Variants in RAB38 observed in about 807,000 individuals in gnomAD.
RAB38 encodes ras-related protein Rab-38.
A neutral mutation model predicts 18.4 loss-of-function variants in RAB38; 15 were observed. The observed-to-expected ratio is 0.82, with a 90% CI of 0.55 to 1.26. RAB38 has a LOEUF of 1.26. Ranked by LOEUF, RAB38 falls within the 50% of genes most tolerant of loss-of-function variation. The pLI is 0.00. For missense variants in RAB38, 294 were observed against 267.4 expected (o/e 1.10, Z -0.69); for synonymous variants, 101 against 104.4 (o/e 0.97, Z 0.20).
At chr11:88,064,336 A>G in the RAB38 span, among the ~76,000 whole-genome samples, 175 of 152,338 alleles carry the variant, frequency 1.1e-3, 1 homozygote, top group Non-Finnish European at 2.1e-3. Context: ...CTTCTAGTTA[A>G]GTTGAAACCA....
At chr11:88,125,865 T>C (rs368874294) in intron 2 of RAB38, among the ~76,000 whole-genome samples, 118 of 152,346 alleles carry the variant, frequency 7.7e-4, no homozygotes, top group African/African-American at 2.8e-3. Context: ...CATTTAAGTC[T>C]TTAATCCATC....
chr11:87,837,773 T>G, the RAB38 span, among the ~76,000 whole-genome samples: 3 of 152,338 alleles, frequency 2.0e-5, no homozygotes, highest in South Asian at 4.1e-4. Flanking sequence ...TTGCAGCTAA[T>G]TCTTGACTAA....
chr11:87,908,571 G>T, the RAB38 span, among the ~76,000 whole-genome samples: 2 of 152,012 alleles, frequency 1.3e-5, no homozygotes, highest in African/African-American at 4.8e-5. Flanking sequence ...TTTCCCAAGT[G>T]GTAGAACTTC....
At chr11:87,829,364 G>C in the RAB38 span, among the ~76,000 whole-genome samples, 1 of 152,166 alleles carries the variant, frequency 6.6e-6, no homozygotes, top group African/African-American at 2.4e-5. Context: ...GACATTTCTA[G>C]CTATAAATTA....
chr11:87,977,939 A>ATTT, the RAB38 span, among the ~76,000 whole-genome samples: 101 of 113,398 alleles, frequency 8.9e-4, 1 homozygote, highest in African/African-American at 2.6e-3. Context: ...ACCTTTATAT[A>ATTT]ATATATTAAT....
chr11:87,931,572 G>A, the RAB38 span, among the ~76,000 whole-genome samples: 15 of 152,082 alleles, frequency 9.9e-5, no homozygotes, highest in African/African-American at 1.4e-4. Context: ...CTTCCATGTT[G>A]TGAATTCCCT....
chr11:88,156,108 G>A (rs1943121551), intron 1 of RAB38, among the ~76,000 whole-genome samples: 1 of 152,006 alleles, frequency 6.6e-6, no homozygotes, highest in African/African-American at 2.4e-5. Flanking sequence ...ATATTTGGGG[G>A]GATAATTCAA....
the RAB38 span, among the ~76,000 whole-genome samples, chr11:87,827,509 A>G: frequency 6.6e-6 from 1 of 152,254 alleles, no homozygotes; most frequent in East Asian, 1.9e-4. Flanking sequence ...GTAACAACAA[A>G]AATGCAATCA....
At chr11:87,955,682 CA>C in the RAB38 span, among the ~76,000 whole-genome samples, 153 of 148,772 alleles carry the variant, frequency 1.0e-3, no homozygotes, top group African/African-American at 3.5e-3. Flanking sequence ...ATCTATCAAT[CA>C]ATCTTTCTAT....
the RAB38 span, among the ~76,000 whole-genome samples, chr11:88,034,127 G>A: frequency 1.3e-5 from 2 of 152,074 alleles, no homozygotes; most frequent in African/African-American, 4.8e-5. Flanking sequence ...ATTCAATAAT[G>A]TTACATAAAT....
chr11:87,834,985 T>C, the RAB38 span, among the ~76,000 whole-genome samples: 1 of 152,238 alleles, frequency 6.6e-6, no homozygotes, highest in African/African-American at 2.4e-5. Context: ...GGCTTCAACC[T>C]AGATCTGCCC....
At chr11:88,031,337 C>A in the RAB38 span, among the ~76,000 whole-genome samples, 9 of 148,048 alleles carry the variant, frequency 6.1e-5, no homozygotes, top group Admixed American at 6.1e-4. Flanking sequence ...GATGTCCTCT[C>A]TCACCACTCC....
chr11:88,165,274 G>T (rs1943233747), intron 1 of RAB38, among the ~76,000 whole-genome samples: 1 of 152,076 alleles, frequency 6.6e-6, no homozygotes, highest in South Asian at 2.1e-4. Context: ...GCATATCCCA[G>T]CATGACCTGC....
the RAB38 span, among the ~76,000 whole-genome samples, chr11:87,856,246 C>T: frequency 6.6e-6 from 1 of 152,146 alleles, no homozygotes; most frequent in Non-Finnish European, 1.5e-5. Flanking sequence ...GTGTGGTCCA[C>T]TTCCATGACT....
the RAB38 span, among the ~76,000 whole-genome samples, chr11:87,821,395 A>G: frequency 6.6e-6 from 1 of 152,220 alleles, no homozygotes; most frequent in Admixed American, 6.5e-5. Context: ...GAACAAAGGA[A>G]TTTTCAGACG....
chr11:87,955,579 A>G, the RAB38 span, among the ~76,000 whole-genome samples: 1 of 152,202 alleles, frequency 6.6e-6, no homozygotes, highest in African/African-American at 2.4e-5. Context: ...AACGAAGCCT[A>G]AAGCTATTGT....
At chr11:87,956,501 C>A in the RAB38 span, among the ~76,000 whole-genome samples, 3 of 152,082 alleles carry the variant, frequency 2.0e-5, no homozygotes, top group Non-Finnish European at 1.5e-5. Context: ...CACTCCTGCC[C>A]CATGGTCTCT....
At chr11:87,917,899 T>G in the RAB38 span, 7 of 152,090 alleles carry the variant, frequency 4.6e-5, no homozygotes, top group Admixed American at 2.6e-4. Flanking sequence ...GGTTAAAATT[T>G]TTTTTAATAA....
At chr11:87,810,180 T>G in the RAB38 span, among the ~76,000 whole-genome samples, 1 of 152,200 alleles carries the variant, frequency 6.6e-6, no homozygotes, top group Non-Finnish European at 1.5e-5. Flanking sequence ...TTTCCTATTT[T>G]TTGTTGAAAA....
Sources: allele counts gnomAD v4.1 joint callset (sites outside exome capture counted in the v4.1 genomes callset), GRCh38; gene constraint gnomAD v4.1.1; transcripts MANE v1.5; gene names NCBI Gene and HGNC (gene_info 2026-07-23, HGNC 2026-07-21).